Variants in TENM1 observed in about 807,000 individuals in gnomAD.
TENM1 encodes the protein teneurin transmembrane protein 1, also known as teneurin-1.
Under a neutral mutation model 174.8 loss-of-function variants are expected in TENM1, and 35 were observed. The ratio of observed to expected loss-of-function variants is 0.20; its 90% CI spans 0.15 to 0.27. The LOEUF is 0.27. Among genes scored for constraint, TENM1 ranks in the 10% least tolerant of loss-of-function variants. The pLI, the probability that TENM1 is intolerant of heterozygous loss-of-function variation, is 1.00. For synonymous variants in TENM1, 781 were observed against 798.7 expected (o/e 0.98, Z 0.37); for missense variants, 1,633 against 2,130.1 (o/e 0.77, Z 4.59).
the TENM1 span, among the ~76,000 whole-genome samples, chrX:125,017,676 G>A: frequency 6.2e-5 from 7 of 112,012 alleles, no homozygotes; most frequent in Admixed American, 9.5e-5. Flanking sequence ...TCTACACCAT[G>A]GAATACTAGG....
chrX:124,725,063 T>A (rs1470815685), intron 4 of TENM1, among the ~76,000 whole-genome samples: 1 of 111,523 alleles, frequency 9.0e-6, no homozygotes, highest in Non-Finnish European at 1.9e-5. Context: ...ATGACAGCAA[T>A]CAATTTATGT....
the TENM1 span, among the ~76,000 whole-genome samples, chrX:125,121,558 CA>C: frequency 9.0e-6 from 1 of 111,578 alleles, no homozygotes. Flanking sequence ...CTTGATTTTT[CA>C]AATCTCGTAA....
chrX:125,132,849 C>G, the TENM1 span, among the ~76,000 whole-genome samples: 3,425 of 111,535 alleles, frequency 0.031, 132 homozygotes, highest in African/African-American at 0.11. Context: ...TTTAACCTCT[C>G]TGAGCTCCGG....
chrX:124,565,988 G>T (rs943109036), intron 11 of TENM1, among the ~76,000 whole-genome samples: 19 of 111,673 alleles, frequency 1.7e-4, no homozygotes, highest in African/African-American at 5.5e-4. Flanking sequence ...GGCATTCAAG[G>T]CTTAGAAATG....
intron 3 of TENM1, among the ~76,000 whole-genome samples, chrX:124,867,031 T>G (rs543465723): frequency 9.0e-6 from 1 of 110,877 alleles, no homozygotes; most frequent in African/African-American, 3.3e-5. Context: ...AAAAGCCTGG[T>G]GGTTTCACTG....
Position 124,612,367 on chromosome X carries a change from A to G in TENM1, c.2077+29424T>C, listed in dbSNP as rs778622242. Among the ~76,000 whole-genome samples the G allele has an allele frequency of 1.3e-4, 14 of 111,213 alleles. No homozygotes were observed. In the East Asian group the frequency reaches 3.1e-3, roughly 25 times the overall value. Reference sequence around the variant, plus strand: ...AGAATCTGTACTTTAAAAAGTCACCATTACTTTTTATGAAAGGAGTAGCCT... The same window carrying G: ...AGAATCTGTACTTTAAAAAGTCACCGTTACTTTTTATGAAAGGAGTAGCCT... On this transcript the variant is annotated intron_variant, in intron 11 of 31. Transcript: ENST00000422452.
chrX:125,064,925 T>G, the TENM1 span, among the ~76,000 whole-genome samples: 3 of 112,040 alleles, frequency 2.7e-5, no homozygotes, highest in Non-Finnish European at 5.6e-5. Context: ...TACACAATTC[T>G]GACTGAAAAA....
intron 3 of TENM1, among the ~76,000 whole-genome samples, chrX:124,769,307 T>G (rs1042152674): frequency 3.0e-4 from 34 of 111,774 alleles, no homozygotes; most frequent in African/African-American, 1.0e-3. Context: ...ATGGCTACAT[T>G]GACTATTAAA....
At chrX:124,495,618 G>T (rs1166275635) in intron 20 of TENM1, among the ~76,000 whole-genome samples, 1 of 110,289 alleles carries the variant, frequency 9.1e-6, no homozygotes, top group Non-Finnish European at 1.9e-5. Context: ...TAATGCCTAG[G>T]TTTTCTTCTA....
intron 27 of TENM1, among the ~76,000 whole-genome samples, chrX:124,394,030 A>G (rs1334522540): frequency 1.8e-5 from 2 of 112,576 alleles, no homozygotes; most frequent in African/African-American, 3.2e-5. Flanking sequence ...CATAATGATT[A>G]CTTTTCTCAT....
chrX:124,380,935 C>G, exon 32 of TENM1: 2 of 1,211,411 alleles, frequency 1.7e-6, no homozygotes. Flanking sequence ...GAATCCGCCT[C>G]CCCCCAGTGT....
chrX:124,674,981 G>A lies in TENM1; in HGVS notation c.1016-3146C>T, dbSNP rs772303748. On this transcript the variant is annotated intron_variant, in intron 5 of 31. Coordinates refer to ENST00000422452, the Ensembl canonical transcript of TENM1. ...CTTTCCTGGCGGCACTTGAAAATGC[G>A]AGAAAATGCATGTGGTGAGATTCAC... Among the ~76,000 whole-genome samples the A allele has an allele frequency of 8.1e-5, 9 of 111,310 alleles. No homozygotes were observed. The East Asian group carries it at 1.7e-3, about 21-fold the overall frequency.
Position 124,590,832 on chromosome X carries a change from G to A in TENM1, c.2078-25272C>T, listed in dbSNP as rs554826745. Among the ~76,000 whole-genome samples, 146 of 112,007 alleles carry A rather than the reference G, an allele frequency of 1.3e-3. 1 individual carries two copies. In the Middle Eastern group the frequency reaches 0.028, roughly 21 times the overall value. ...ATCTGTTTAATGTTGTCAGTGGGGT[G>A]TTGAAGAACCATACTATTATTGTGT... On this transcript the variant is annotated intron_variant, in intron 11 of 31. Coordinates refer to ENST00000422452, the Ensembl canonical transcript of TENM1.
intron 11 of TENM1, among the ~76,000 whole-genome samples, chrX:124,575,964 C>T (rs1167256074): frequency 1.8e-5 from 2 of 112,171 alleles, no homozygotes; most frequent in African/African-American, 3.2e-5. Flanking sequence ...ATAGTATCCT[C>T]AAATGCCAAA....
At chrX:124,836,854 G>GT (rs1048981610) in intron 3 of TENM1, among the ~76,000 whole-genome samples, 2 of 111,762 alleles carry the variant, frequency 1.8e-5, no homozygotes, top group Admixed American at 1.9e-4. Context: ...CCACGGCTTT[G>GT]TTTTTTTGAG....
intron 2 of TENM1, among the ~76,000 whole-genome samples, chrX:124,895,052 G>C (rs111410933): frequency 9.0e-6 from 1 of 111,533 alleles, no homozygotes; most frequent in Admixed American, 9.6e-5. Context: ...TAACTAGTAG[G>C]CAACCTCTAA....
At chrX:124,558,552 T>G (rs1481543759) in intron 14 of TENM1, among the ~76,000 whole-genome samples, 1 of 111,722 alleles carries the variant, frequency 9.0e-6, no homozygotes, top group Non-Finnish European at 1.9e-5. Flanking sequence ...AAGCAAATAT[T>G]AATAATTAGT....
At chrX:125,093,638 C>T in the TENM1 span, among the ~76,000 whole-genome samples, 1 of 111,124 alleles carries the variant, frequency 9.0e-6, no homozygotes, top group Non-Finnish European at 1.9e-5. Context: ...TTATACATGC[C>T]CCATTTTCCA....
At chrX:124,509,490 G>A (rs1204805456) in intron 18 of TENM1, among the ~76,000 whole-genome samples, 1 of 110,835 alleles carries the variant, frequency 9.0e-6, no homozygotes, top group Non-Finnish European at 1.9e-5. Flanking sequence ...CCTTGAAAAT[G>A]GACTGGCTAT....
Sources: gnomAD v4.1 joint callset for allele counts (sites outside exome capture counted in the v4.1 genomes callset) on GRCh38, gnomAD v4.1.1 for gene constraint, MANE v1.5 for transcripts, NCBI Gene and HGNC (gene_info 2026-07-23, HGNC 2026-07-21) for gene names.